CFAP97: variants seen among roughly 807,000 people sequenced by gnomAD.
CFAP97 encodes the protein cilia- and flagella-associated protein 97.
CFAP97 carries 36 observed loss-of-function variants against 43.1 expected under a neutral mutation model. That is an observed-to-expected ratio of 0.84 (90% confidence interval 0.64 to 1.10). The LOEUF is 1.10. Ranked by LOEUF, CFAP97 falls within the 50% of genes least tolerant of loss-of-function variation. The probability of loss-of-function intolerance (pLI) is 0.00; values close to 1 mark genes in which losing one functional copy is unlikely to be tolerated. For synonymous variants in CFAP97, 228 were observed against 225.7 expected (o/e 1.01, Z -0.09); for missense variants, 657 against 620.3 (o/e 1.06, Z -0.63).
upstream of CFAP97, chr4:185,207,670 G>A (rs1303607768): frequency 2.6e-5 from 4 of 152,190 alleles, no homozygotes; most frequent in Non-Finnish European, 4.4e-5. Flanking sequence ...TGGACCACAT[G>A]GAGTAACAAC....
chr4:185,173,034 A>T (rs1458429380), intron 3 of CFAP97, among the ~76,000 whole-genome samples: 1 of 151,916 alleles, frequency 6.6e-6, no homozygotes. Flanking sequence ...GGCATGAGTC[A>T]CCAGGCCTGG....
upstream of CFAP97, among the ~76,000 whole-genome samples, chr4:185,205,229 G>T (rs1196044232): frequency 3.3e-5 from 5 of 152,232 alleles, no homozygotes; most frequent in South Asian, 2.1e-4. Flanking sequence ...GCCGAGGCGG[G>T]TGGGGCCCCC....
chr4:185,168,287 G>A (rs1735148143), intron 3 of CFAP97, among the ~76,000 whole-genome samples: 1 of 69,390 alleles, frequency 1.4e-5, no homozygotes, highest in Admixed American at 2.1e-4. Context: ...TCCCAAAAGA[G>A]TTTGCCCACT....
chr4:185,194,966 C>A (rs994781206), intron 1 of CFAP97, among the ~76,000 whole-genome samples: 1 of 152,136 alleles, frequency 6.6e-6, no homozygotes, highest in African/African-American at 2.4e-5. Flanking sequence ...CAGACACACC[C>A]AGACTCAAAA....
At position 185,190,956 on chromosome 4, in the gene CFAP97, C is replaced by T. The variant is rs769845465; in HGVS notation, c.241G>A (p.Val81Ile). 12 of 1,613,644 alleles carry T rather than the reference C, an allele frequency of 7.4e-6. No individual in the cohort carries two copies. Among genetic ancestry groups the T allele is most frequent in the African/African-American group, 4.0e-5 (3 of 74,918 alleles). Residue 81 changes from valine to isoleucine, a missense_variant, in exon 2 of 5, where the codon GTA becomes ATA. Coordinates refer to ENST00000458385, the MANE Select transcript of CFAP97 (RefSeq NM_020827.3). The part of the protein sequence containing the change: ...RNVKFPPEHP[V>I]ENDVTQTVSS... The stretch of plus-strand genomic sequence containing the variant: ...ACAGTTTGTGTAACATCATTCTCTA[C>T]GGGGTGTTCTGGGGGAAATTTCACG...
intron 3 of CFAP97, among the ~76,000 whole-genome samples, chr4:185,164,514 T>C (rs77903716): frequency 0.019 from 2,926 of 152,322 alleles, 84 homozygotes; most frequent in African/African-American, 0.067. Context: ...ACCACTGTGA[T>C]ATAACAATTC....
chr4:185,192,008 T>C (rs1041228140), intron 1 of CFAP97, among the ~76,000 whole-genome samples: 1 of 152,118 alleles, frequency 6.6e-6, no homozygotes, highest in African/African-American at 2.4e-5. Context: ...AGCTAAACCA[T>C]CCAAACACAC....
intron 2 of CFAP97, among the ~76,000 whole-genome samples, chr4:185,189,737 G>C (rs1736148676): frequency 6.6e-6 from 1 of 152,104 alleles, no homozygotes; most frequent in Non-Finnish European, 1.5e-5. Context: ...CAGCATTCTT[G>C]CCACTGTCCC....
rs115698868 is a variant in CFAP97 at position 185,194,118 on chromosome 4, G to A, written c.-16-2906C>T. On this transcript the variant is annotated intron_variant, in intron 1 of 4. Transcript: ENST00000458385. Reference sequence around the variant, plus strand: ...TTGTCTCCCCCAGCTTTCACACTACGACTGCAGAGCTAAGTAGCTGTGATT... The same window carrying A: ...TTGTCTCCCCCAGCTTTCACACTACAACTGCAGAGCTAAGTAGCTGTGATT... Among the ~76,000 whole-genome samples the A allele has an allele frequency of 5.2e-3, 798 of 152,228 alleles. 5 individuals carry two copies. Among genetic ancestry groups the A allele is most frequent in the African/African-American group, 0.018 (735 of 41,532 alleles).
Position 185,190,173 on chromosome 4 carries a change from C to T in CFAP97, c.1024G>A (p.Asp342Asn). The T allele has an allele frequency of 1.3e-6, 2 of 1,586,906 alleles. No homozygotes were observed. Among genetic ancestry groups the T allele is most frequent in the Non-Finnish European group, 1.7e-6 (2 of 1,168,448 alleles). Residue 342 changes from aspartate (D) to asparagine (N), a missense_variant, in exon 2 of 5, where the codon GAC becomes AAC. Coordinates refer to ENST00000458385, the MANE Select transcript of CFAP97 (RefSeq NM_020827.3). ...AAGAGATGATTCAGATCCATTGTGT[C>T]ATGTAAGACTTTCTGTTTATGTCTG... Reference protein sequence around the residue: ...DHRHKQKVLHDTMDLNHLLKA... With the variant: ...DHRHKQKVLHNTMDLNHLLKA...
intron 1 of CFAP97, among the ~76,000 whole-genome samples, chr4:185,193,576 G>A (rs75168284): frequency 6.6e-6 from 1 of 152,178 alleles, no homozygotes; most frequent in Non-Finnish European, 1.5e-5. Flanking sequence ...AACCCAGGAG[G>A]TGGAGGCTGC....
intron 2 of CFAP97, among the ~76,000 whole-genome samples, chr4:185,185,921 T>C (rs771264819): frequency 3.3e-5 from 5 of 152,048 alleles, no homozygotes; most frequent in Non-Finnish European, 7.4e-5. Flanking sequence ...ATGACAGGCG[T>C]AGCCACTGTA....
intron 1 of CFAP97, among the ~76,000 whole-genome samples, chr4:185,202,362 A>G (rs1344735565): frequency 6.6e-6 from 1 of 152,186 alleles, no homozygotes. Flanking sequence ...CAGCCTGGCC[A>G]ACATGGCCAA....
intron 1 of CFAP97, among the ~76,000 whole-genome samples, chr4:185,201,912 C>G (rs561137587): frequency 8.5e-5 from 13 of 152,328 alleles, no homozygotes; most frequent in African/African-American, 3.1e-4. Flanking sequence ...GGCCTATCCA[C>G]TTCTTTTCTA....
chr4:185,209,454 CGTG>C lies in CFAP97; in HGVS notation c.-206_-204del, dbSNP rs1737373114. The C allele has an allele frequency of 6.6e-6, 1 of 152,272 alleles. No individual in the cohort carries two copies. Among genetic ancestry groups the C allele is most frequent in the African/African-American group, 2.4e-5 (1 of 41,454 alleles). The allele number at this position is 152,272 out of a possible 1,614,324, so 9.4% of individuals were successfully genotyped here. A position where few individuals can be genotyped will look rare whatever the true frequency, so the allele number is the denominator to read the frequency against. ...ACCGCGCTGGGTCGCGCCCTCTCCC[CGTG>C]GGGCCCCGGCCCGGACCCCGCCCCC... On this transcript the variant is annotated 5_prime_UTR_variant, in exon 1 of 3. Coordinates refer to the CFAP97 transcript ENST00000503223. This position sits in a 1 kb window ranked among gnomAD's most constrained non-coding sequence, Gnocchi z 5.2.
rs1208376043 is a variant in CFAP97, at chr4:185,161,538, A to G, written c.*1260T>C. On this transcript the variant is annotated 3_prime_UTR_variant, in exon 5 of 5. Transcript: ENST00000458385. ...TTAAGGGCATACTGAAAAGGCTAGTAGTGAAAAACGGCGGTAACAATGAGA... is the reference window on the plus strand; with the variant it reads ...TTAAGGGCATACTGAAAAGGCTAGTGGTGAAAAACGGCGGTAACAATGAGA... 6.6e-6 allele frequency: 1 copy of G among 152,200 alleles called. No homozygotes were observed. Among genetic ancestry groups the G allele is most frequent in the Admixed American group, 6.5e-5 (1 of 15,270 alleles). 9.4% of individuals were successfully genotyped at this position (152,200 alleles called of 1,614,324 possible).
At position 185,190,158 on chromosome 4, in the gene CFAP97, T is replaced by G; in HGVS notation, c.1039A>C (p.Asn347His). Residue 347 changes from asparagine (N) to histidine (H), a missense_variant, in exon 2 of 5, where the codon AAT (asparagine) becomes CAT (histidine). By Grantham distance (68) the Asn-to-His change is moderately conservative. Transcript: ENST00000458385. The part of the protein sequence containing the change: ...QKVLHDTMDL[N>H]HLLKAFLQLD... ...AGAAAATTACCTTTCAAGAGATGAT[T>G]CAGATCCATTGTGTCATGTAAGACT... 1 of 1,566,366 alleles carries G rather than the reference T, an allele frequency of 6.4e-7. No individual in the cohort carries two copies. The highest frequency in any genetic ancestry group is 8.6e-7 in the Non-Finnish European group (1 of 1,157,560).
chr4:185,160,904 AT>A lies in CFAP97; in HGVS notation c.*1893del, dbSNP rs1407441653. ...ATAAAATTTATAAAAAAGATTTTTT[AT>A]ATATATAAAAAGATTATATATATAA... On this transcript the variant is annotated 3_prime_UTR_variant, in exon 5 of 5. Coordinates refer to ENST00000458385, the MANE Select transcript of CFAP97 (RefSeq NM_020827.3). 6.8e-6 allele frequency: 1 copy of A among 147,010 alleles called. No individual in the cohort carries two copies. Among genetic ancestry groups the A allele is most frequent in the African/African-American group, 2.5e-5 (1 of 40,802 alleles). The allele number at this position is 147,010 out of a possible 1,614,324, so 9.1% of individuals were successfully genotyped here. A position where few individuals can be genotyped will look rare whatever the true frequency, so the allele number is the denominator to read the frequency against.
intron 2 of CFAP97, among the ~76,000 whole-genome samples, chr4:185,180,960 T>C (rs1560863066): frequency 6.6e-6 from 1 of 152,126 alleles, no homozygotes; most frequent in South Asian, 2.1e-4. Context: ...GTTTTAAAGA[T>C]ATTAATTCCT....
Sources: allele counts gnomAD v4.1 joint callset (sites outside exome capture counted in the v4.1 genomes callset), GRCh38; gene constraint gnomAD v4.1.1; non-coding constraint Gnocchi (gnomAD v3.1); transcripts MANE v1.5; gene names NCBI Gene and HGNC (gene_info 2026-07-23, HGNC 2026-07-21).